Variants in RNF220 observed in about 807,000 individuals in gnomAD.
RNF220 encodes E3 ubiquitin-protein ligase RNF220.
A neutral mutation model predicts 67.1 loss-of-function variants in RNF220; 7 were observed. That is an observed-to-expected ratio of 0.10 (90% CI 0.06 to 0.20). The LOEUF is 0.20. RNF220 is among the 10% of genes least tolerant of loss of function. The probability of loss-of-function intolerance (pLI) is 1.00; values close to 1 mark genes in which losing one functional copy is unlikely to be tolerated. For synonymous variants in RNF220, 270 were observed against 283.2 expected, an observed-to-expected ratio of 0.95 and a Z score of 0.47; for missense variants, 565 against 740.3, an observed-to-expected ratio of 0.76 and a Z score of 2.75.
At chr1:44,509,376 C>T (rs1288287387) in intron 2 of RNF220, among the ~76,000 whole-genome samples, 1 of 151,778 alleles carries the variant, frequency 6.6e-6, no homozygotes, top group Non-Finnish European at 1.5e-5. Context: ...CAGTGAAACC[C>T]CACCTCTACT....
At chr1:44,528,305 T>TTA (rs1660555755) in intron 2 of RNF220, among the ~76,000 whole-genome samples, 1 of 136,032 alleles carries the variant, frequency 7.4e-6, no homozygotes, top group Non-Finnish European at 1.7e-5. Flanking sequence ...AATTGGCAAC[T>TTA]TTTTTTTTTT....
rs905046398 is a variant in RNF220 at position 44,600,543 on chromosome 1, G to A, written c.626-13622G>A. On this transcript the variant is annotated intron_variant, in intron 2 of 14. Coordinates refer to ENST00000361799, the MANE Select transcript of RNF220 (RefSeq NM_018150.4). This position sits in a 1 kb window ranked among gnomAD's most constrained non-coding sequence, Gnocchi z 4.0. ...GGGATTAAATAGTACAGTGCTGGCC[G>A]GGCACAGTGGCTCACTCCTGTAATC... Among the ~76,000 whole-genome samples, 15 of 152,036 alleles carry A rather than the reference G, an allele frequency of 9.9e-5. No homozygotes were observed. Among genetic ancestry groups the A allele is most frequent in the African/African-American group, 3.4e-4 (14 of 41,388 alleles).
intron 2 of RNF220, among the ~76,000 whole-genome samples, chr1:44,514,512 A>C (rs1659298136): frequency 6.6e-6 from 1 of 152,148 alleles, no homozygotes; most frequent in South Asian, 2.1e-4. Flanking sequence ...CTTCACTAGA[A>C]GCTCTACAGT....
chr1:44,460,103 A>C (rs1463575594), intron 2 of RNF220, among the ~76,000 whole-genome samples: 1 of 152,192 alleles, frequency 6.6e-6, no homozygotes, highest in Non-Finnish European at 1.5e-5. Flanking sequence ...CCAACGGGAA[A>C]GTTCAGGGAG....
intron 2 of RNF220, among the ~76,000 whole-genome samples, chr1:44,514,890 A>C (rs1391742324): frequency 6.6e-6 from 1 of 152,154 alleles, no homozygotes; most frequent in East Asian, 1.9e-4. Context: ...CCAGATGCAA[A>C]GATTGGCACG....
chr1:44,477,842 CTT>C (rs1169427741), intron 2 of RNF220, among the ~76,000 whole-genome samples: 1 of 152,212 alleles, frequency 6.6e-6, no homozygotes, highest in Non-Finnish European at 1.5e-5. Context: ...AGCAGGTAAA[CTT>C]CTCCATGGAG....
intron 2 of RNF220, among the ~76,000 whole-genome samples, chr1:44,509,402 T>C (rs1041886723): frequency 1.3e-5 from 2 of 151,704 alleles, no homozygotes; most frequent in African/African-American, 2.4e-5. Context: ...TACAAAAAAT[T>C]AGCCAGGCGT....
At chr1:44,460,756 C>A (rs896563044) in intron 2 of RNF220, among the ~76,000 whole-genome samples, 5 of 152,206 alleles carry the variant, frequency 3.3e-5, no homozygotes, top group Admixed American at 6.5e-5. Context: ...GCTGGTACAG[C>A]CTCACATGCT....
intron 8 of RNF220, among the ~76,000 whole-genome samples, chr1:44,640,722 T>TA (rs1362145637): frequency 2.0e-5 from 3 of 152,192 alleles, no homozygotes; most frequent in Non-Finnish European, 2.9e-5. Flanking sequence ...GCCGATTGAT[T>TA]GTCCCGCATC....
intron 2 of RNF220, among the ~76,000 whole-genome samples, chr1:44,583,354 CAAAGT>C (rs957885740): frequency 6.6e-6 from 1 of 152,170 alleles, no homozygotes; most frequent in Non-Finnish European, 1.5e-5. Flanking sequence ...TGGCTTCTCG[CAAAGT>C]AATCAGTGAA....
chr1:44,515,004 C>T (rs1413093539), intron 2 of RNF220, among the ~76,000 whole-genome samples: 1 of 152,116 alleles, frequency 6.6e-6, no homozygotes, highest in Non-Finnish European at 1.5e-5. Flanking sequence ...GGAACAAACA[C>T]AGAAAGGGAA....
chr1:44,576,486 A>G (rs1219082332), intron 2 of RNF220, among the ~76,000 whole-genome samples: 1 of 152,122 alleles, frequency 6.6e-6, no homozygotes, highest in Admixed American at 6.5e-5. Flanking sequence ...TTGGGCATGT[A>G]GGATTCCCTC....
rs1644604126 is a variant in RNF220 at position 44,645,201 on chromosome 1, TCCTC to T, written c.1311-14_1311-11del. ...CCGCCTTCAGGCCTCACTTTGTTTT[TCCTC>T]CCTCCTTTCCTCCAGTGGCGGCCCT... On this transcript the variant is annotated splice_polypyrimidine_tract_variant and intron_variant, in intron 10 of 14. Coordinates refer to ENST00000361799, the MANE Select transcript of RNF220 (RefSeq NM_018150.4). The surrounding 1 kb of genome is among the most constrained non-coding windows in gnomAD (Gnocchi z 5.0). The T allele has an allele frequency of 6.2e-7, 1 of 1,614,020 alleles. No individual in the cohort carries two copies. The highest frequency in any genetic ancestry group is 8.5e-7 in the Non-Finnish European group (1 of 1,179,994).
chr1:44,636,273 C>G (rs1344387338), intron 8 of RNF220, 111 bp downstream of exon 8: 3 of 1,426,364 alleles, frequency 2.1e-6, no homozygotes, highest in Non-Finnish European at 2.9e-6. Context: ...CCATCCGTTC[C>G]ACCACGTGGG....
intron 12 of RNF220, among the ~76,000 whole-genome samples, chr1:44,647,506 C>T (rs1309288425): frequency 7.1e-6 from 1 of 140,510 alleles, no homozygotes; most frequent in Non-Finnish European, 1.6e-5. Context: ...CAGCCAGTAC[C>T]AGGAGGAAAG....
At chr1:44,641,265 A>G (rs1479837318) in intron 8 of RNF220, among the ~76,000 whole-genome samples, 2 of 152,114 alleles carry the variant, frequency 1.3e-5, no homozygotes, top group Admixed American at 1.3e-4. Context: ...ATTGACCATC[A>G]GGCTTAGGTT....
intron 2 of RNF220, among the ~76,000 whole-genome samples, chr1:44,540,748 C>T (rs148057430): frequency 8.5e-4 from 130 of 152,148 alleles, no homozygotes; most frequent in Middle Eastern, 3.4e-3. Flanking sequence ...TCAGGCCAGA[C>T]AAGAAATGTG....
At chr1:44,449,605 G>A (rs577983003) in intron 2 of RNF220, among the ~76,000 whole-genome samples, 11 of 152,084 alleles carry the variant, frequency 7.2e-5, no homozygotes, top group African/African-American at 2.4e-4. Context: ...GTAGAGACAC[G>A]GTTTTGTCAT....
chr1:44,578,196 T>C (rs1299341379), intron 2 of RNF220, among the ~76,000 whole-genome samples: 13 of 140,416 alleles, frequency 9.3e-5, no homozygotes. Context: ...TCTCCCAGCC[T>C]GGAGTGCAGT....
Sources: gnomAD v4.1 joint callset for allele counts (sites outside exome capture counted in the v4.1 genomes callset) on GRCh38, gnomAD v4.1.1 for gene constraint, Gnocchi (gnomAD v3.1) non-coding constraint, MANE v1.5 for transcripts, NCBI Gene and HGNC (gene_info 2026-07-23, HGNC 2026-07-21) for gene names.